Variants in EMC3 observed in about 807,000 individuals in gnomAD.
The protein encoded by EMC3 is 30 kDa protein.
In EMC3, 13 loss-of-function variants were observed where a neutral mutation model predicts 36.6. The ratio of observed to expected loss-of-function variants is 0.35; its 90% CI spans 0.23 to 0.56. EMC3 has a LOEUF of 0.56. Among genes scored for constraint, EMC3 ranks in the 20% least tolerant of loss-of-function variants. The pLI is 0.84. For missense variants in EMC3, 220 were observed against 324.5 expected (o/e 0.68, Z 2.47); for synonymous variants, 120 against 111.9 (o/e 1.07, Z -0.46).
Position 9,969,711 on chromosome 3 carries a change from G to C in EMC3, c.657+8C>G. The C allele has an allele frequency of 6.2e-7, 1 of 1,614,108 alleles. No individual in the cohort carries two copies. The highest frequency in any genetic ancestry group is 8.5e-7 in the Non-Finnish European group (1 of 1,180,020). ...ATTGCTGCAGCTTTGAAAGGTGAAG[G>C]AGTATACCTTGAAAGCTTTGTTTGT... On this transcript the variant is annotated splice_region_variant and intron_variant, in intron 7 of 7. Coordinates refer to ENST00000245046, the MANE Select transcript of EMC3 (RefSeq NM_001394674.1).
chr3:9,963,162 AAG>A lies in EMC3; in HGVS notation c.*905_*906del, dbSNP rs1255126630. ...GTCCTGACCCTGGGTATTCACTCTG[AAG>A]AGAGTTTATTTGAATAAGGTTTTGA... On this transcript the variant is annotated 3_prime_UTR_variant, in exon 8 of 8. Coordinates refer to ENST00000245046, the MANE Select transcript of EMC3 (RefSeq NM_001394674.1). 1 of 152,172 alleles carries A rather than the reference AAG, an allele frequency of 6.6e-6. No homozygotes were observed. The highest frequency in any genetic ancestry group is 1.9e-4 in the East Asian group (1 of 5,190). 9.4% of individuals were successfully genotyped at this position (152,172 alleles called of 1,614,324 possible). A position where few individuals can be genotyped will look rare whatever the true frequency, so the allele number is the denominator to read the frequency against.
intron 1 of EMC3, among the ~76,000 whole-genome samples, chr3:10,010,606 C>G (rs1190975279): frequency 6.6e-6 from 1 of 152,364 alleles, no homozygotes; most frequent in Non-Finnish European, 1.5e-5. Flanking sequence ...CTCCCTCCCC[C>G]ACTCAGTGGC....
rs778535376 is a variant in EMC3, at chr3:9,977,404, T to C, written c.198A>G (p.Lys66=). 1 of 1,612,780 alleles carries C rather than the reference T, an allele frequency of 6.2e-7. No homozygotes were observed. The highest frequency in any genetic ancestry group is 8.5e-7 in the Non-Finnish European group (1 of 1,179,572). ...IRSRVLRENG[K]YIPKQSFLTR... ...AAATGAGTACCTGTTTGGGAATGTATTTTCCATTTTCCCTGAGGACTCTGC... is the reference window on the plus strand; with the variant it reads ...AAATGAGTACCTGTTTGGGAATGTACTTTCCATTTTCCCTGAGGACTCTGC... The change falls in exon 2 of 8, where the codon AAA becomes AAG. Residue 66 remains lysine, a synonymous_variant. Coordinates refer to ENST00000245046, the MANE Select transcript of EMC3 (RefSeq NM_001394674.1).
Position 9,964,027 on chromosome 3 carries a change from T to G in EMC3, c.*42A>C. 1.9e-6 allele frequency: 3 copies of G among 1,609,420 alleles called. No individual in the cohort carries two copies. Among genetic ancestry groups the G allele is most frequent in the Non-Finnish European group, 2.5e-6 (3 of 1,177,728 alleles). On this transcript the variant is annotated 3_prime_UTR_variant, in exon 8 of 8. Coordinates refer to ENST00000245046, the MANE Select transcript of EMC3 (RefSeq NM_001394674.1). Reference sequence around the variant, plus strand: ...CTCCAAACAAAGTTACAAGGTTAAGTGCAACTCCAAGTTCCTGACACAGCT... The same window carrying G: ...CTCCAAACAAAGTTACAAGGTTAAGGGCAACTCCAAGTTCCTGACACAGCT...
upstream of EMC3, chr3:9,987,281 G>A (rs2085987886): frequency 5.1e-6 from 5 of 984,646 alleles, no homozygotes; most frequent in Non-Finnish European, 6.0e-6. Context: ...AAATGGAGCA[G>A]TGGTCGTAGT....
At chr3:9,991,037 C>G (rs975277991), upstream of EMC3, among the ~76,000 whole-genome samples, 6 of 151,994 alleles carry the variant, frequency 3.9e-5, no homozygotes, top group African/African-American at 7.3e-5. Context: ...ACCATGTTAG[C>G]CAGGATGGTC....
At position 9,969,761 on chromosome 3, in the gene EMC3, TC is replaced by T. The variant is rs765837757; in HGVS notation, c.614del (p.Gly205GlufsTer23). On this transcript the variant is annotated frameshift_variant, in exon 7 of 8. Coordinates refer to ENST00000245046, the MANE Select transcript of EMC3 (RefSeq NM_001394674.1). LOFTEE classifies it high-confidence loss of function. The stretch of plus-strand genomic sequence containing the variant: ...TGTCTGCGGGCATGGCCATGGCTGC[TC>T]CCGTCATCTGCTCCTGCATCATTCG... Reference protein sequence around the residue: ...QSRMMQEQMTGAAMAMPADTN... With the variant: ...QSRMMQEQMTXAAMAMPADTN... 1 of 1,613,940 alleles carries T rather than the reference TC, an allele frequency of 6.2e-7. No individual in the cohort carries two copies. The highest frequency in any genetic ancestry group is 8.5e-7 in the Non-Finnish European group (1 of 1,180,032).
chr3:10,003,129 A>G (rs1176911994), intron 1 of EMC3: 25 of 454,874 alleles, frequency 5.5e-5, no homozygotes, highest in Non-Finnish European at 7.1e-5. Context: ...CTGGCTCACC[A>G]CCTCCCCAGC....
intron 1 of EMC3, among the ~76,000 whole-genome samples, chr3:9,994,647 T>C (rs527601047): frequency 1.3e-4 from 20 of 152,242 alleles, no homozygotes; most frequent in Middle Eastern, 3.4e-3. Context: ...CTCGGCTCAC[T>C]GCAACCTTCG....
rs2085857176 is a variant in EMC3, at chr3:9,977,031, TA to T, written c.232del (p.Tyr78IlefsTer18). The T allele has an allele frequency of 6.2e-7, 1 of 1,602,730 alleles. No individual in the cohort carries two copies. The highest frequency in any genetic ancestry group is 1.4e-5 in the African/African-American group (1 of 73,872). The stretch of plus-strand genomic sequence containing the variant: ...TCCATCCTCTGGGTTGTTGAAATAA[TA>T]TTTTCGTGTCAAGAAAGACTAGTAA... ...IPKQSFLTRK[Y>X]YFNNPEDGFF... On this transcript the variant is annotated frameshift_variant, in exon 3 of 8. Coordinates refer to ENST00000245046, the MANE Select transcript of EMC3 (RefSeq NM_001394674.1). LOFTEE classifies it high-confidence loss of function.
At chr3:10,000,750 C>T (rs1315504944) in intron 1 of EMC3, 21 of 477,298 alleles carry the variant, frequency 4.4e-5, no homozygotes, top group South Asian at 2.7e-4. Context: ...TCTCCAAATA[C>T]TCCACCAGTG....
intron 3 of EMC3, 33 bp from the exon 4 acceptor site, chr3:9,974,521 G>A (rs770704688): frequency 2.1e-6 from 3 of 1,411,218 alleles, no homozygotes; most frequent in Non-Finnish European, 3.0e-6. Flanking sequence ...AAACCACTAA[G>A]TTTTACCTCT....
chr3:10,004,861 C>G (rs571384949), intron 1 of EMC3: 1 of 152,260 alleles, frequency 6.6e-6, no homozygotes, highest in African/African-American at 2.4e-5. Flanking sequence ...GTATTGTCAC[C>G]GACAGTGGCC....
At chr3:9,983,139 A>T (rs1435893912) in intron 1 of EMC3, among the ~76,000 whole-genome samples, 1 of 149,186 alleles carries the variant, frequency 6.7e-6, no homozygotes, top group African/African-American at 2.5e-5. Context: ...GCGTAATGGT[A>T]ATCTGTGGAA....
intron 1 of EMC3, among the ~76,000 whole-genome samples, chr3:9,993,409 G>C (rs1490423530): frequency 2.0e-5 from 3 of 152,232 alleles, no homozygotes; most frequent in Non-Finnish European, 4.4e-5. Flanking sequence ...TATATTAACA[G>C]TATAGAACTT....
At chr3:9,994,778 G>T (rs1052643614) in intron 1 of EMC3, among the ~76,000 whole-genome samples, 1 of 152,012 alleles carries the variant, frequency 6.6e-6, no homozygotes, top group Non-Finnish European at 1.5e-5. Flanking sequence ...CACCATGTTG[G>T]CCATCCTGGT....
intron 1 of EMC3, among the ~76,000 whole-genome samples, chr3:9,981,341 G>C (rs1172441329): frequency 6.6e-6 from 1 of 152,160 alleles, no homozygotes; most frequent in African/African-American, 2.4e-5. Flanking sequence ...CAATTACACT[G>C]CTGAACAATT....
chr3:9,992,925 T>A, intron 1 of EMC3: 2 of 1,611,394 alleles, frequency 1.2e-6, no homozygotes, highest in Non-Finnish European at 1.7e-6. Flanking sequence ...GACAAAGAAG[T>A]ACATTGAAAG....
rs1559347910 is a variant in EMC3 at position 9,963,479 on chromosome 3, T to TATATATATATATA, written c.*589_*590insTATATATATATAT. On this transcript the variant is annotated 3_prime_UTR_variant, in exon 8 of 8. Transcript: ENST00000245046. Reference sequence around the variant, plus strand: ...GATATATATATATATATATATATATTTTTTTTTTTTTTTCAGATGGAGTTT... The same window carrying TATATATATATATA: ...GATATATATATATATATATATATATTATATATATATATATTTTTTTTTTTTTCAGATGGAGTTT... 1.8e-4 allele frequency: 8 copies of TATATATATATATA among 43,760 alleles called. No homozygotes were observed. Among genetic ancestry groups the TATATATATATATA allele is most frequent in the African/African-American group, 6.2e-4 (8 of 12,882 alleles). The allele number at this position is 43,760 out of a possible 1,614,324, so 2.7% of individuals were successfully genotyped here. A position where few individuals can be genotyped will look rare whatever the true frequency, so the allele number is the denominator to read the frequency against.
Sources: allele counts gnomAD v4.1 joint callset (sites outside exome capture counted in the v4.1 genomes callset), GRCh38; gene constraint gnomAD v4.1.1; transcripts MANE v1.5; gene names NCBI Gene and HGNC (gene_info 2026-07-23, HGNC 2026-07-21).